Variants in RO60 observed in about 807,000 individuals in gnomAD.
RO60 encodes the protein RNA-binding protein RO60.
A neutral mutation model predicts 55.3 loss-of-function variants in RO60; 20 were observed. The ratio of observed to expected loss-of-function variants is 0.36; its 90% CI spans 0.25 to 0.53. The LOEUF (loss-of-function observed/expected upper bound fraction) is 0.53. Among genes scored for constraint, RO60 ranks in the 20% least tolerant of loss-of-function variants. RO60 has a pLI of 0.92. For synonymous variants in RO60, 213 were observed against 213.6 expected (o/e 1.00, Z 0.02); for missense variants, 558 against 646.6 (o/e 0.86, Z 1.49).
chr1:193,085,502 A>G lies in RO60; in HGVS notation c.*771A>G, dbSNP rs1674587260. On this transcript the variant is annotated 3_prime_UTR_variant, in exon 9 of 9. Coordinates refer to ENST00000400968, the MANE Select transcript of RO60 (RefSeq NM_001173524.2). ...CTACAAGGGGTGTGACTTGATAATGATTTCCTCTGAATTATAATAACATAG... is the reference window on the plus strand; with the variant it reads ...CTACAAGGGGTGTGACTTGATAATGGTTTCCTCTGAATTATAATAACATAG... 1 of 983,908 alleles carries G rather than the reference A, an allele frequency of 1.0e-6. No individual in the cohort carries two copies. Among genetic ancestry groups the G allele is most frequent in the Non-Finnish European group, 1.2e-6 (1 of 829,686 alleles). 60.9% of individuals were successfully genotyped at this position (983,908 alleles called of 1,614,324 possible).
Position 193,075,944 on chromosome 1 carries a change from G to T in RO60, c.705G>T (p.Val235=). The T allele has an allele frequency of 6.2e-7, 1 of 1,613,402 alleles. No individual in the cohort carries two copies. Among genetic ancestry groups the T allele is most frequent in the Non-Finnish European group, 8.5e-7 (1 of 1,179,600 alleles). ...AGTATCTGGAGGCTGTAGAGAAAGT[G>T]AAGCGCACAAGAGATGAGCTAGAAG... ...LLKYLEAVEK[V]KRTRDELEVI... is the part of the protein sequence containing the mutation. The change falls in exon 3 of 9, where the codon GTG becomes GTT. Residue 235 remains valine, a synonymous_variant. Transcript: ENST00000400968.
chr1:193,061,840 C>T (rs1248685945), intron 1 of RO60, among the ~76,000 whole-genome samples: 2 of 152,010 alleles, frequency 1.3e-5, no homozygotes, highest in Non-Finnish European at 2.9e-5. Flanking sequence ...AAAAATTAGC[C>T]GGGTGCGGTG....
chr1:193,077,174 T>G, intron 5 of RO60, 124 bp downstream of exon 5: 2 of 956,584 alleles, frequency 2.1e-6, no homozygotes, highest in Non-Finnish European at 3.0e-6. Context: ...TTGTTTTTCT[T>G]TAGTTCATAT....
rs1393731140 is a variant in RO60, at chr1:193,086,350, AGTTTTT to A, written c.*1620_*1625del. 6.6e-6 allele frequency: 1 copy of A among 152,138 alleles called. No homozygotes were observed. Among genetic ancestry groups the A allele is most frequent in the African/African-American group, 2.4e-5 (1 of 41,428 alleles). The allele number at this position is 152,138 out of a possible 1,614,324, so 9.4% of individuals were successfully genotyped here. A position where few individuals can be genotyped will look rare whatever the true frequency, so the allele number is the denominator to read the frequency against. ...CCATTCCTTCAAGGCAACTGGTATC[AGTTTTT>A]AAGTGTGATTTACCTGAGATATTTT... On this transcript the variant is annotated 3_prime_UTR_variant, in exon 9 of 9. Coordinates refer to ENST00000400968, the MANE Select transcript of RO60 (RefSeq NM_001173524.2).
At chr1:193,060,053 T>C in intron 1 of RO60, 1 of 1,334,290 alleles carries the variant, frequency 7.5e-7, no homozygotes, top group Non-Finnish European at 1.0e-6. Context: ...TCGGCATCGC[T>C]CCCCACAGGC....
In RO60 at chr1:193,059,858, C is replaced by G. The variant is rs1442040496; in HGVS notation, c.-22+82C>G. The G allele has an allele frequency of 7.3e-7, 1 of 1,363,648 alleles. No homozygotes were observed. Among genetic ancestry groups the G allele is most frequent in the Non-Finnish European group, 9.8e-7 (1 of 1,020,690 alleles). 84.5% of individuals were successfully genotyped at this position (1,363,648 alleles called of 1,614,324 possible). ...AAATTCTGACCAGTCCTCCATGTCT[C>G]TCACCCGCATCCCAGGGGTTGAGGC... On this transcript the variant is annotated intron_variant, in intron 1 of 8. Coordinates refer to ENST00000400968, the MANE Select transcript of RO60 (RefSeq NM_001173524.2). This position sits in a 1 kb window ranked among gnomAD's most constrained non-coding sequence, Gnocchi z 4.9.
At chr1:193,072,040 G>T (rs1412045914) in intron 2 of RO60, among the ~76,000 whole-genome samples, 1 of 151,730 alleles carries the variant, frequency 6.6e-6, no homozygotes. Context: ...TTTCACTTTT[G>T]TCACCCAGGC....
intron 5 of RO60, among the ~76,000 whole-genome samples, chr1:193,080,810 G>A (rs1396972959): frequency 6.6e-6 from 1 of 152,164 alleles, no homozygotes; most frequent in Non-Finnish European, 1.5e-5. Flanking sequence ...TCTACAGCAG[G>A]AAAATTTATA....
intron 2 of RO60, 115 bp from the exon 3 acceptor site, chr1:193,075,705 G>A: frequency 2.8e-6 from 2 of 711,840 alleles, no homozygotes; most frequent in Non-Finnish European, 4.7e-6. Flanking sequence ...CAGTGTAAGG[G>A]CATTAACTCT....
chr1:193,085,154 C>A lies in RO60; in HGVS notation c.*423C>A. 7.5e-7 allele frequency: 1 copy of A among 1,327,200 alleles called. No individual in the cohort carries two copies. The allele number at this position is 1,327,200 out of a possible 1,614,324, so 82.2% of individuals were successfully genotyped here. ...GATAATGTCCAAATACTCTGAAATG[C>A]ACTAGACCATATAACTGTGATGAAA... On this transcript the variant is annotated 3_prime_UTR_variant, in exon 9 of 9. Transcript: ENST00000400968.
rs1248412886 is a variant in RO60 at position 193,088,711 on chromosome 1, CAT to C, written c.*3983_*3984del. The C allele has an allele frequency of 6.6e-6, 1 of 152,008 alleles. No individual in the cohort carries two copies. The highest frequency in any genetic ancestry group is 1.5e-5 in the Non-Finnish European group (1 of 67,988). The allele number at this position is 152,008 out of a possible 1,614,324, so 9.4% of individuals were successfully genotyped here. On this transcript the variant is annotated 3_prime_UTR_variant, in exon 9 of 9. Coordinates refer to ENST00000400968, the MANE Select transcript of RO60 (RefSeq NM_001173524.2). ...GGCACTATCCCCTCTGGAGAAATGT[CAT>C]ATGGCATCAGTGTAAACATGCACAA...
chr1:193,068,198 A>G lies in RO60; in HGVS notation c.-21-836A>G, dbSNP rs187301326. Among the ~76,000 whole-genome samples the G allele has an allele frequency of 1.0e-3, 152 of 152,304 alleles. 1 individual carries two copies. Among genetic ancestry groups the G allele is most frequent in the South Asian group, 7.5e-3 (36 of 4,822 alleles). On this transcript the variant is annotated intron_variant, in intron 1 of 8. Transcript: ENST00000400968. ...CCAGTCATGTGGCAAGGAGAGCACC[A>G]TGATTATTGGGCCTGGGTCAAGCAG...
At position 193,086,979 on chromosome 1, in the gene RO60, T is replaced by TG. The variant is rs909678393; in HGVS notation, c.*2250dup. 6 of 152,158 alleles carry TG rather than the reference T, an allele frequency of 3.9e-5. No homozygotes were observed. The highest frequency in any genetic ancestry group is 2.6e-4 in the Admixed American group (4 of 15,280). The allele number at this position is 152,158 out of a possible 1,614,324, so 9.4% of individuals were successfully genotyped here. On this transcript the variant is annotated 3_prime_UTR_variant, in exon 9 of 9. Transcript: ENST00000400968. ...TTGAAGTACTATAACCTAGAAATCT[T>TG]GGTCTCTTCATTCCTGTGCCAGAAT...
intron 2 of RO60, among the ~76,000 whole-genome samples, chr1:193,071,409 T>A (rs1673488606): frequency 6.6e-6 from 1 of 152,264 alleles, no homozygotes; most frequent in Non-Finnish European, 1.5e-5. Flanking sequence ...TTATTGCTAT[T>A]GCTATTGCTG....
At chr1:193,074,306 C>T (rs1213832494) in intron 2 of RO60, among the ~76,000 whole-genome samples, 2 of 152,170 alleles carry the variant, frequency 1.3e-5, no homozygotes, top group Non-Finnish European at 2.9e-5. Context: ...CCTGAGGAAT[C>T]GCCACACTGA....
intron 1 of RO60, among the ~76,000 whole-genome samples, chr1:193,067,048 A>G (rs1256723187): frequency 6.6e-6 from 1 of 152,016 alleles, no homozygotes; most frequent in Non-Finnish European, 1.5e-5. Context: ...TATTGAGACA[A>G]TATTATTTTA....
chr1:193,064,786 A>G (rs1673004461), intron 1 of RO60, among the ~76,000 whole-genome samples: 1 of 152,228 alleles, frequency 6.6e-6, no homozygotes, highest in Non-Finnish European at 1.5e-5. Context: ...GAGTCCATGA[A>G]TAAGTAACTT....
chr1:193,063,475 G>A (rs1479550768), intron 1 of RO60, among the ~76,000 whole-genome samples: 1 of 152,050 alleles, frequency 6.6e-6, no homozygotes, highest in Admixed American at 6.6e-5. Flanking sequence ...CTTATTGTAT[G>A]TATGATTTGC....
At chr1:193,078,579 A>G (rs192999519) in intron 5 of RO60, among the ~76,000 whole-genome samples, 7 of 152,354 alleles carry the variant, frequency 4.6e-5, no homozygotes, top group Non-Finnish European at 1.5e-5. Context: ...GTATTTCTAT[A>G]TACTAGCAAT....
Sources: allele counts gnomAD v4.1 joint callset (sites outside exome capture counted in the v4.1 genomes callset), GRCh38; gene constraint gnomAD v4.1.1; non-coding constraint Gnocchi (gnomAD v3.1); transcripts MANE v1.5; gene names NCBI Gene and HGNC (gene_info 2026-07-23, HGNC 2026-07-21).